TMEM185A: variants seen among roughly 807,000 people sequenced by gnomAD.
The protein encoded by TMEM185A is transmembrane protein 185A.
A neutral mutation model predicts 25.0 loss-of-function variants in TMEM185A; 9 were observed. The ratio of observed to expected loss-of-function variants is 0.36; its 90% CI spans 0.22 to 0.63. TMEM185A has a LOEUF of 0.63. Among genes scored for constraint, TMEM185A ranks in the 20% least tolerant of loss-of-function variants. The probability of loss-of-function intolerance (pLI) is 0.68; values close to 1 mark genes in which losing one functional copy is unlikely to be tolerated. For missense variants in TMEM185A, 103 were observed against 237.4 expected (o/e 0.43, Z 3.72); for synonymous variants, 45 against 93.5 (o/e 0.48, Z 2.99).
chrX:149,607,039 C>T (rs1268489958), intron 3 of TMEM185A, among the ~76,000 whole-genome samples: 2 of 111,427 alleles, frequency 1.8e-5, no homozygotes, highest in African/African-American at 6.5e-5. Context: ...TACCACTATA[C>T]CCATGCTGTG....
At chrX:149,624,645 A>G (rs986271808) in intron 1 of TMEM185A, among the ~76,000 whole-genome samples, 7 of 111,977 alleles carry the variant, frequency 6.3e-5, no homozygotes, top group Non-Finnish European at 1.3e-4. Flanking sequence ...ACAACCTGAC[A>G]TACTCACAAA....
chrX:149,618,474 A>G (rs1322205992), intron 1 of TMEM185A, among the ~76,000 whole-genome samples: 1 of 111,466 alleles, frequency 9.0e-6, no homozygotes, highest in East Asian at 2.8e-4. Context: ...AGTTAGGGCA[A>G]TAATATGTAC....
chrX:149,631,404 C>G (rs1222215675), intron 1 of TMEM185A, 139 bp downstream of exon 1: 1 of 691,891 alleles, frequency 1.4e-6, no homozygotes, highest in Non-Finnish European at 2.0e-6. Flanking sequence ...GGACCGCTTG[C>G]ACCCGCAGGG....
chrX:149,629,513 C>T (rs1272634549), intron 1 of TMEM185A, among the ~76,000 whole-genome samples: 1 of 111,973 alleles, frequency 8.9e-6, no homozygotes, highest in African/African-American at 3.3e-5. Flanking sequence ...TGGCCAATGT[C>T]CTCTTGAAAT....
chrX:149,628,666 A>T (rs1244139844), intron 1 of TMEM185A, among the ~76,000 whole-genome samples: 2 of 111,939 alleles, frequency 1.8e-5, no homozygotes, highest in Non-Finnish European at 3.8e-5. Flanking sequence ...GCCATGACCC[A>T]TGCCTTGGGA....
At chrX:149,603,406 T>C (rs1287411326) in intron 4 of TMEM185A, among the ~76,000 whole-genome samples, 1 of 110,850 alleles carries the variant, frequency 9.0e-6, no homozygotes, top group African/African-American at 3.3e-5. Flanking sequence ...GGACTGTAAG[T>C]GTAAGCCACT....
At chrX:149,621,909 T>G (rs1305104228) in intron 1 of TMEM185A, among the ~76,000 whole-genome samples, 1 of 112,267 alleles carries the variant, frequency 8.9e-6, no homozygotes, top group African/African-American at 3.2e-5. Flanking sequence ...GGTCAGCTGA[T>G]GAGCAAACTT....
At chrX:149,613,961 TAAAA>T (rs1488745640) in intron 1 of TMEM185A, among the ~76,000 whole-genome samples, 5 of 111,766 alleles carry the variant, frequency 4.5e-5, no homozygotes, top group Admixed American at 1.9e-4. Context: ...AAAGGAGAAA[TAAAA>T]AAATCAAACT....
intron 3 of TMEM185A, among the ~76,000 whole-genome samples, chrX:149,606,028 AACTT>A (rs1164354246): frequency 1.8e-5 from 2 of 112,557 alleles, no homozygotes; most frequent in Admixed American, 1.9e-4. Flanking sequence ...AATTACATCT[AACTT>A]AGTAAGTATT....
chrX:149,623,853 G>T (rs2090151226), intron 1 of TMEM185A, among the ~76,000 whole-genome samples: 2 of 112,309 alleles, frequency 1.8e-5, no homozygotes, highest in Non-Finnish European at 3.8e-5. Context: ...CACACTCCTA[G>T]TTGGGGAAAG....
At chrX:149,606,169 G>A (rs1438734210) in intron 3 of TMEM185A, among the ~76,000 whole-genome samples, 2 of 112,112 alleles carry the variant, frequency 1.8e-5, no homozygotes, top group Admixed American at 9.4e-5. Flanking sequence ...CATTTCCCAC[G>A]CCTTGGAATC....
chrX:149,631,750 C>CCGCCGTCGCCGT lies in TMEM185A; in HGVS notation c.-171_-170insACGGCGACGGCG, dbSNP rs2090198922. 1 of 21,037 alleles carries CCGCCGTCGCCGT rather than the reference C, an allele frequency of 4.8e-5. No homozygotes were observed. Among genetic ancestry groups the CCGCCGTCGCCGT allele is most frequent in the South Asian group, 4.9e-4 (1 of 2,042 alleles). The allele number at this position is 21,037 out of a possible 1,213,427, so 1.7% of individuals were successfully genotyped here. On this transcript the variant is annotated 5_prime_UTR_variant, in exon 1 of 7. Transcript: ENST00000600449. The stretch of plus-strand genomic sequence containing the variant: ...GCCGTCGCCGTCGCCGCCGCCGCCG[C>CCGCCGTCGCCGT]CGCCGCCGCCGCCGCCGCCGCCGCC...
intron 1 of TMEM185A, among the ~76,000 whole-genome samples, chrX:149,627,292 T>C (rs1169204597): frequency 4.4e-5 from 5 of 112,757 alleles, no homozygotes; most frequent in East Asian, 2.8e-4. Flanking sequence ...TGCAAACATA[T>C]TGTTAACAAG....
rs1182478691 is a variant in TMEM185A, at chrX:149,618,931, A to G, written c.39-7468T>C. ...TACATTGTTTTGGTTCAAGTATACA[A>G]AGAAAATCTGGCCTCACAGAGATCT... On this transcript the variant is annotated intron_variant, in intron 1 of 6. Transcript: ENST00000600449. Among the ~76,000 whole-genome samples the G allele has an allele frequency of 2.7e-5, 3 of 111,836 alleles. No homozygotes were observed. In the East Asian group the frequency reaches 8.3e-4, roughly 31 times the overall value.
chrX:149,604,005 G>T lies in TMEM185A; in HGVS notation c.489C>A (p.Ile163=), dbSNP rs1557352867. 1 of 1,208,225 alleles carries T rather than the reference G, an allele frequency of 8.3e-7. No individual in the cohort carries two copies. The highest frequency in any genetic ancestry group is 1.7e-5 in the African/African-American group (1 of 57,784). The part of the protein sequence containing the change: ...FIFIALRLDK[I]IHWPWLVVCV... The stretch of plus-strand genomic sequence containing the variant: ...TACATACAAGCCAGGGCCAGTGGAT[G>T]ATCTTGTCCAGTCTTAAGGCAATGA... The change falls in exon 4 of 7, where the codon ATC becomes ATA. Residue 163 remains isoleucine, a synonymous_variant. Transcript: ENST00000600449.
At chrX:149,624,027 G>C (rs1320456474) in intron 1 of TMEM185A, among the ~76,000 whole-genome samples, 1 of 112,752 alleles carries the variant, frequency 8.9e-6, no homozygotes, top group African/African-American at 3.2e-5. Flanking sequence ...TATGGTCATA[G>C]CCTAAACTAC....
intron 1 of TMEM185A, among the ~76,000 whole-genome samples, chrX:149,620,337 T>C (rs1368294925): frequency 1.8e-5 from 2 of 112,511 alleles, no homozygotes; most frequent in East Asian, 2.8e-4. Context: ...CACACGTTTT[T>C]CCTTGAGTCA....
intron 1 of TMEM185A, among the ~76,000 whole-genome samples, chrX:149,624,944 A>T (rs1473818990): frequency 8.9e-6 from 1 of 112,019 alleles, no homozygotes. Context: ...AGGGTATGTG[A>T]AAGCACTGTG....
At chrX:149,601,389 CTGCAAAACTCTCCG>C (rs1374907420) in intron 4 of TMEM185A, 3 of 98,490 alleles carry the variant, frequency 3.0e-5, no homozygotes, top group Admixed American at 3.0e-4. Context: ...GTCTGTCACC[CTGCAAAACTCTCCG>C]TGCTGTCCCT....
Sources: allele counts gnomAD v4.1 joint callset (sites outside exome capture counted in the v4.1 genomes callset), GRCh38; gene constraint gnomAD v4.1.1; transcripts MANE v1.5; gene names NCBI Gene and HGNC (gene_info 2026-07-23, HGNC 2026-07-21).